POMT2: variants seen among roughly 807,000 people sequenced by gnomAD.
POMT2 encodes protein O-mannosyl-transferase 2.
A neutral mutation model predicts 100.0 loss-of-function variants in POMT2; 75 were observed. The observed-to-expected ratio is 0.75, with a 90% CI of 0.62 to 0.91. POMT2 has a LOEUF of 0.91. Among genes scored for constraint, POMT2 ranks in the 40% least tolerant of loss-of-function variants. The pLI is 0.00. For missense variants in POMT2, 940 were observed against 955.1 expected (o/e 0.98, Z 0.21); for synonymous variants, 378 against 374.1 (o/e 1.01, Z -0.12).
intron 20 of POMT2, 96 bp from the exon 21 acceptor site, chr14:77,277,577 T>TC (rs2140157566): frequency 3.0e-6 from 3 of 1,004,614 alleles, no homozygotes; most frequent in Non-Finnish European, 4.8e-6. Context: ...CCAGAGAAAT[T>TC]CCCCATCGCC....
chr14:77,287,536 C>A (rs1346996106), intron 11 of POMT2: 5 of 106,570 alleles, frequency 4.7e-5, no homozygotes, highest in South Asian at 3.4e-4. Context: ...CTCTCTCTCT[C>A]TCTCTCTCTA....
At chr14:77,313,771 A>T (rs1463460991) in intron 1 of POMT2, among the ~76,000 whole-genome samples, 1 of 152,122 alleles carries the variant, frequency 6.6e-6, no homozygotes, top group South Asian at 2.1e-4. Flanking sequence ...ACATGGACAC[A>T]ATCTTGGCTC....
At chr14:77,277,513 C>T in intron 20 of POMT2, 32 bp from the exon 21 acceptor site, 3 of 1,504,758 alleles carry the variant, frequency 2.0e-6, no homozygotes, top group Non-Finnish European at 1.9e-6. Context: ...AGGCAGTTGG[C>T]ACCCCCAGTG....
At chr14:77,287,660 G>C (rs1890483969) in intron 11 of POMT2, 1 of 151,778 alleles carries the variant, frequency 6.6e-6, no homozygotes, top group South Asian at 2.1e-4. Flanking sequence ...TGTCGTTTCA[G>C]CTTGTTCTTG....
chr14:77,278,304 A>T, intron 20 of POMT2, 90 bp downstream of exon 20: 1 of 1,116,812 alleles, frequency 9.0e-7, no homozygotes, highest in Non-Finnish European at 1.3e-6. Flanking sequence ...TGGTGGTGTT[A>T]AAAGCACCGC....
chr14:77,279,762 C>A, intron 18 of POMT2, 61 bp downstream of exon 18: 2 of 1,532,734 alleles, frequency 1.3e-6, no homozygotes, highest in Non-Finnish European at 1.8e-6. Context: ...CCGGCCCTCC[C>A]CAGGGGTGCA....
intron 8 of POMT2, chr14:77,296,581 G>T: frequency 2.7e-6 from 1 of 377,078 alleles, no homozygotes; most frequent in Non-Finnish European, 4.8e-6. Context: ...GTCTCCACAT[G>T]GATTCAATGG....
intron 9 of POMT2, among the ~76,000 whole-genome samples, chr14:77,295,514 C>T (rs1890793810): frequency 6.6e-6 from 1 of 151,912 alleles, no homozygotes; most frequent in Admixed American, 6.6e-5. Context: ...TGCCTGTAGT[C>T]CCAGCTACTC....
chr14:77,301,033 C>T, intron 6 of POMT2, 57 bp downstream of exon 6: 2 of 1,611,950 alleles, frequency 1.2e-6, no homozygotes, highest in Non-Finnish European at 1.7e-6. Context: ...CCACCAGCTC[C>T]TACTCAGCAA....
chr14:77,317,511 A>G (rs1304982688), intron 1 of POMT2, among the ~76,000 whole-genome samples: 1 of 152,154 alleles, frequency 6.6e-6, no homozygotes, highest in Non-Finnish European at 1.5e-5. Flanking sequence ...CACACTCCCT[A>G]CCATCCACAG....
chr14:77,294,933 C>T (rs542200035), intron 9 of POMT2, among the ~76,000 whole-genome samples: 1 of 152,304 alleles, frequency 6.6e-6, no homozygotes, highest in South Asian at 2.1e-4. Flanking sequence ...AGATTCCATG[C>T]TTTTTGCCTC....
intron 1 of POMT2, among the ~76,000 whole-genome samples, chr14:77,313,781 C>T (rs976929467): frequency 7.9e-5 from 12 of 152,168 alleles, no homozygotes; most frequent in African/African-American, 2.7e-4. Context: ...AATCTTGGCT[C>T]ACTGCACTTT....
At chr14:77,278,657 C>T in intron 19 of POMT2, 72 bp downstream of exon 19, 3 of 1,590,264 alleles carry the variant, frequency 1.9e-6, no homozygotes, top group South Asian at 2.2e-5. Flanking sequence ...AGAGTCACTC[C>T]CAGCACTGCT....
chr14:77,309,264 TTC>T, intron 2 of POMT2, among the ~76,000 whole-genome samples: 1 of 152,236 alleles, frequency 6.6e-6, no homozygotes, highest in Non-Finnish European at 1.5e-5. Flanking sequence ...TGGATGAGGC[TTC>T]TGACCCTGTA....
At chr14:77,312,493 C>T (rs1378756699) in intron 1 of POMT2, 1 of 160,526 alleles carries the variant, frequency 6.2e-6, no homozygotes, top group Non-Finnish European at 1.4e-5. Context: ...AAAACCCTGT[C>T]TCTACTAAAA....
chr14:77,285,367 A>C, intron 13 of POMT2, 114 bp downstream of exon 13: 1 of 1,412,238 alleles, frequency 7.1e-7, no homozygotes, highest in East Asian at 2.3e-5. Flanking sequence ...TCTGCCACTA[A>C]GAACAAGCAG....
rs1055592 is a variant in POMT2 at position 77,277,301 on chromosome 14, G to T, written c.*75C>A. 1.5e-6 allele frequency: 2 copies of T among 1,301,162 alleles called. No homozygotes were observed. The highest frequency in any genetic ancestry group is 1.1e-6 in the Non-Finnish European group (1 of 903,704). 80.6% of individuals were successfully genotyped at this position (1,301,162 alleles called of 1,614,324 possible). A position where few individuals can be genotyped will look rare whatever the true frequency, so the allele number is the denominator to read the frequency against. ...CTCCTTAGGCAGCTTCCTCATGGCCGGATGGTCCAGTACTGCTTCCCAGCT... is the reference window on the plus strand; with the variant it reads ...CTCCTTAGGCAGCTTCCTCATGGCCTGATGGTCCAGTACTGCTTCCCAGCT... On this transcript the variant is annotated 3_prime_UTR_variant, in exon 21 of 21. Transcript: ENST00000261534.
rs528239799 is a variant in POMT2 at position 77,293,844 on chromosome 14, C to A, written c.1116+2320G>T. Among the ~76,000 whole-genome samples the A allele has an allele frequency of 1.6e-4, 24 of 152,286 alleles. No homozygotes were observed. The East Asian group carries it at 2.3e-3, about 15-fold the overall frequency. On this transcript the variant is annotated intron_variant, in intron 9 of 20. Transcript: ENST00000261534. ...CCTTTCAGAGTTTGGCCTTTCTCTC[C>A]CTTTGCACAGTGTAGATGTTCTGGT...
intron 20 of POMT2, among the ~76,000 whole-genome samples, chr14:77,277,979 T>C (rs2110911): frequency 0.022 from 3,121 of 143,776 alleles, 112 homozygotes; most frequent in African/African-American, 0.072. Flanking sequence ...CTGTCCCCCA[T>C]TGCCCCCCGG....
Sources: allele counts gnomAD v4.1 joint callset (sites outside exome capture counted in the v4.1 genomes callset), GRCh38; gene constraint gnomAD v4.1.1; transcripts MANE v1.5; gene names NCBI Gene and HGNC (gene_info 2026-07-23, HGNC 2026-07-21).